The following SV2C variants were observed in gnomAD, a reference collection of about 807,000 sequenced individuals.
SV2C encodes the protein solute carrier family 22 member B3.
A neutral mutation model predicts 79.7 loss-of-function variants in SV2C; 49 were observed. The observed-to-expected ratio is 0.61, with a 90% CI of 0.49 to 0.78. The LOEUF (loss-of-function observed/expected upper bound fraction) is 0.78, where lower values mean the gene tolerates loss of function less well. Ranked by LOEUF, SV2C falls within the 30% of genes least tolerant of loss-of-function variation. The pLI is 0.00. For synonymous variants in SV2C, 334 were observed against 333.2 expected (o/e 1.00, Z -0.03); for missense variants, 833 against 912.9 (o/e 0.91, Z 1.13).
At chr5:76,290,230 C>T (rs1412755029) in intron 6 of SV2C, among the ~76,000 whole-genome samples, 1 of 152,142 alleles carries the variant, frequency 6.6e-6, no homozygotes, top group East Asian at 1.9e-4. Flanking sequence ...GTTTACCTGG[C>T]CAGAAAGAAC....
chr5:75,865,276 A>G, the SV2C span, among the ~76,000 whole-genome samples: 1 of 152,226 alleles, frequency 6.6e-6, no homozygotes, highest in African/African-American at 2.4e-5. Context: ...ATTATGTCTG[A>G]GTAGGGCCAG....
the SV2C span, among the ~76,000 whole-genome samples, chr5:75,950,240 C>T: frequency 4.6e-5 from 7 of 152,094 alleles, no homozygotes; most frequent in East Asian, 1.2e-3. Flanking sequence ...AAGGAGCACA[C>T]TTTAGTAATA....
intron 5 of SV2C, 82 bp downstream of exon 5, chr5:76,285,377 C>A: frequency 1.3e-6 from 2 of 1,557,374 alleles, no homozygotes; most frequent in South Asian, 1.2e-5. Context: ...AGCACATTTG[C>A]CTATTTGAGA....
chr5:75,922,855 A>G, the SV2C span, among the ~76,000 whole-genome samples: 5 of 152,258 alleles, frequency 3.3e-5, no homozygotes, highest in African/African-American at 1.2e-4. Flanking sequence ...CACATTGGAC[A>G]GTGACTAGAG....
chr5:76,257,483 T>G (rs1246445347), intron 4 of SV2C, among the ~76,000 whole-genome samples: 1 of 151,298 alleles, frequency 6.6e-6, no homozygotes, highest in Non-Finnish European at 1.5e-5. Context: ...TGTATGGGTG[T>G]GTGGGAGTGT....
chr5:76,145,750 C>G (rs1393539203), intron 2 of SV2C, among the ~76,000 whole-genome samples: 1 of 152,082 alleles, frequency 6.6e-6, no homozygotes, highest in Non-Finnish European at 1.5e-5. Context: ...TAAATTAAAC[C>G]AAATCTACCC....
chr5:76,324,518 G>C (rs1295376689), intron 12 of SV2C, among the ~76,000 whole-genome samples: 1 of 152,112 alleles, frequency 6.6e-6, no homozygotes, highest in African/African-American at 2.4e-5. Context: ...TGAGAGAAGA[G>C]TTTGGATAGA....
At position 76,132,021 on chromosome 5, in the gene SV2C, G is replaced by T; in HGVS notation, c.271G>T (p.Gly91Trp). The stretch of plus-strand genomic sequence containing the variant: ...TGATGAAGATGATGAGATCTATGAG[G>T]GGGAGTATCAGGGCATCCCCAGTAT... Reference protein sequence around the residue: ...GHDEDDEIYEGEYQGIPSMNQ... With the variant: ...GHDEDDEIYEWEYQGIPSMNQ... Residue 91 changes from glycine to tryptophan, a missense_variant, in exon 2 of 13, where the codon GGG (glycine) becomes TGG (tryptophan). Gly to Trp is a radical substitution (Grantham distance 184). Coordinates refer to ENST00000502798, the MANE Select transcript of SV2C (RefSeq NM_014979.4). 2 of 1,613,206 alleles carry T rather than the reference G, an allele frequency of 1.2e-6. No individual in the cohort carries two copies. Among genetic ancestry groups the T allele is most frequent in the Non-Finnish European group, 1.7e-6 (2 of 1,179,550 alleles).
At chr5:76,105,969 A>G (rs1253444050) in intron 1 of SV2C, among the ~76,000 whole-genome samples, 1 of 151,880 alleles carries the variant, frequency 6.6e-6, no homozygotes, top group Non-Finnish European at 1.5e-5. Flanking sequence ...AACTCCATCT[A>G]TATGCTGTTC....
chr5:76,094,941 A>G (rs1262343543), intron 1 of SV2C, among the ~76,000 whole-genome samples: 1 of 152,026 alleles, frequency 6.6e-6, no homozygotes, highest in African/African-American at 2.4e-5. Context: ...AGAGTTTTAA[A>G]TTTTAATAAA....
At chr5:75,972,063 C>G in the SV2C span, among the ~76,000 whole-genome samples, 1 of 152,140 alleles carries the variant, frequency 6.6e-6, no homozygotes, top group Admixed American at 6.5e-5. Flanking sequence ...CTGAGAAAAG[C>G]AAGCAATGGG....
intron 1 of SV2C, 96 bp from the exon 2 acceptor site, chr5:76,131,554 G>T: frequency 2.6e-6 from 1 of 385,174 alleles, no homozygotes; most frequent in Non-Finnish European, 4.6e-6. Context: ...CTGTGTTGTA[G>T]TTTGTGGGAC....
chr5:76,114,806 C>A (rs183766), intron 1 of SV2C, among the ~76,000 whole-genome samples: 112,937 of 152,224 alleles, frequency 0.74, 43,002 homozygotes, highest in African/African-American at 0.94. Flanking sequence ...ACTTAGGTTT[C>A]ACAATCATCT....
At chr5:76,144,835 GT>G (rs919835781) in intron 2 of SV2C, among the ~76,000 whole-genome samples, 1 of 148,470 alleles carries the variant, frequency 6.7e-6, no homozygotes, top group Non-Finnish European at 1.5e-5. Flanking sequence ...GTTTTTTTTT[GT>G]TTTTTGTTTT....
chr5:76,165,832 G>C (rs1743028754), intron 2 of SV2C, among the ~76,000 whole-genome samples: 1 of 152,162 alleles, frequency 6.6e-6, no homozygotes, highest in Non-Finnish European at 1.5e-5. Context: ...AGGCAAGGTT[G>C]GGGCTGGGAG....
At chr5:75,985,464 C>T in the SV2C span, among the ~76,000 whole-genome samples, 1 of 152,110 alleles carries the variant, frequency 6.6e-6, no homozygotes, top group African/African-American at 2.4e-5. Flanking sequence ...CCATCACACC[C>T]AAAGCCTGTG....
At chr5:75,950,460 TAACA>T in the SV2C span, among the ~76,000 whole-genome samples, 1 of 152,172 alleles carries the variant, frequency 6.6e-6, no homozygotes, top group South Asian at 2.1e-4. Context: ...GACTAATTTT[TAACA>T]AACATATGAA....
chr5:76,022,893 A>G, the SV2C span, among the ~76,000 whole-genome samples: 1 of 152,206 alleles, frequency 6.6e-6, no homozygotes, highest in Non-Finnish European at 1.5e-5. Flanking sequence ...TTTGAGATTC[A>G]CATAGCAATT....
intron 12 of SV2C, among the ~76,000 whole-genome samples, chr5:76,339,604 C>T (rs1749400534): frequency 1.3e-5 from 2 of 151,586 alleles, no homozygotes; most frequent in Non-Finnish European, 2.9e-5. Context: ...GTCCCAGCTA[C>T]TCAGGAGGAT....
Sources: allele counts gnomAD v4.1 joint callset (sites outside exome capture counted in the v4.1 genomes callset), GRCh38; gene constraint gnomAD v4.1.1; transcripts MANE v1.5; gene names NCBI Gene and HGNC (gene_info 2026-07-23, HGNC 2026-07-21).